CELF2: variants seen among roughly 807,000 people sequenced by gnomAD.
CELF2 encodes CUGBP Elav-like family member 2, also known as CUG triplet repeat RNA-binding protein 2.
In CELF2, 8 loss-of-function variants were observed where a neutral mutation model predicts 62.6. That is an observed-to-expected ratio of 0.13 (90% confidence interval 0.07 to 0.23). CELF2 has a LOEUF of 0.23. CELF2 is among the 10% of genes least tolerant of loss of function. The pLI is 1.00. For missense variants in CELF2, 333 were observed against 671.0 expected (o/e 0.50, Z 5.56); for synonymous variants, 258 against 250.0 (o/e 1.03, Z -0.30).
At chr10:10,807,887 G>T (rs2055398937) in intron 1 of CELF2, among the ~76,000 whole-genome samples, 1 of 152,094 alleles carries the variant, frequency 6.6e-6, no homozygotes, top group African/African-American at 2.4e-5. Flanking sequence ...CATTAGGATG[G>T]TATCAAGGTT....
chr10:10,750,887 C>A, the CELF2 span, among the ~76,000 whole-genome samples: 2 of 152,172 alleles, frequency 1.3e-5, no homozygotes, highest in Non-Finnish European at 2.9e-5. Context: ...ATTGAGGTCC[C>A]TGGAGTCACT....
At chr10:11,198,077 G>T (rs142555530) in intron 2 of CELF2, among the ~76,000 whole-genome samples, 1 of 152,156 alleles carries the variant, frequency 6.6e-6, no homozygotes, top group Admixed American at 6.5e-5. Context: ...GTGGTTCCAC[G>T]GCTTTTAACG....
At chr10:10,600,515 A>T in the CELF2 span, among the ~76,000 whole-genome samples, 13 of 152,350 alleles carry the variant, frequency 8.5e-5, no homozygotes, top group African/African-American at 2.4e-4. Flanking sequence ...ATTTGTAGCC[A>T]TGGAAACAGA....
the CELF2 span, among the ~76,000 whole-genome samples, chr10:10,644,891 A>G: frequency 6.6e-6 from 1 of 152,126 alleles, no homozygotes; most frequent in Non-Finnish European, 1.5e-5. Context: ...ATGGGGTTCA[A>G]CTTTTTCACA....
intron 1 of CELF2, among the ~76,000 whole-genome samples, chr10:11,109,525 A>T (rs1418995833): frequency 6.6e-6 from 1 of 152,192 alleles, no homozygotes; most frequent in Non-Finnish European, 1.5e-5. Flanking sequence ...AGAATCTGAA[A>T]GTTAAAGAGA....
the CELF2 span, among the ~76,000 whole-genome samples, chr10:10,491,041 G>A: frequency 1.3e-5 from 2 of 152,142 alleles, no homozygotes; most frequent in Admixed American, 6.5e-5. Context: ...CTATATAAAT[G>A]TCTGTAGGGA....
At position 11,011,655 on chromosome 10, in the gene CELF2, G is replaced by A. The variant is rs1010199954; in HGVS notation, c.53+6215G>A. Among the ~76,000 whole-genome samples the A allele has an allele frequency of 1.4e-5, 2 of 140,176 alleles. No individual in the cohort carries two copies. The highest frequency in any genetic ancestry group is 3.3e-5 in the African/African-American group (1 of 30,638). The allele number at this position is 140,176 out of a possible 152,430, so 92.0% of individuals were successfully genotyped here. A position where few individuals can be genotyped will look rare whatever the true frequency, so the allele number is the denominator to read the frequency against. On this transcript the variant is annotated intron_variant, in intron 1 of 12. Transcript: ENST00000416382. This position sits in a 1 kb window ranked among gnomAD's most constrained non-coding sequence, Gnocchi z 4.6. ...GGTCACATGACACTTTGTACTCAGC[G>A]ATAGTGGTAGGACAAGATAGAACAT...
chr10:10,716,324 T>C, the CELF2 span, among the ~76,000 whole-genome samples: 1 of 152,218 alleles, frequency 6.6e-6, no homozygotes, highest in African/African-American at 2.4e-5. Context: ...AGTGAGCAGA[T>C]GAGCCCAGGA....
At chr10:10,940,637 A>T (rs1758967322) in intron 2 of CELF2, among the ~76,000 whole-genome samples, 1 of 152,208 alleles carries the variant, frequency 6.6e-6, no homozygotes. Flanking sequence ...AAACATAGAA[A>T]CATCTAGGAA....
intron 1 of CELF2, among the ~76,000 whole-genome samples, chr10:11,113,255 T>C (rs111255437): frequency 1.3e-5 from 2 of 152,358 alleles, no homozygotes; most frequent in African/African-American, 4.8e-5. Flanking sequence ...AAAATCAAGA[T>C]TGTGTTTTAT....
chr10:11,282,114 C>T (rs192613161), intron 8 of CELF2, among the ~76,000 whole-genome samples: 2 of 152,338 alleles, frequency 1.3e-5, no homozygotes, highest in East Asian at 3.9e-4. Flanking sequence ...AAACCCTATG[C>T]TGGACCAGCC....
At chr10:11,007,812 T>C (rs1364548394) in intron 1 of CELF2, among the ~76,000 whole-genome samples, 1 of 152,174 alleles carries the variant, frequency 6.6e-6, no homozygotes, top group Non-Finnish European at 1.5e-5. Context: ...TGCTTGTCCG[T>C]GGCCCGCTTA....
intron 1 of CELF2, among the ~76,000 whole-genome samples, chr10:10,874,634 G>A (rs1446472863): frequency 2.0e-5 from 3 of 152,136 alleles, no homozygotes; most frequent in Non-Finnish European, 4.4e-5. Flanking sequence ...TGCAAAAAAT[G>A]TAAGCACATT....
intron 1 of CELF2, among the ~76,000 whole-genome samples, chr10:10,893,617 C>T (rs2062314738): frequency 6.6e-6 from 1 of 152,278 alleles, no homozygotes. Flanking sequence ...GTTTAATTGG[C>T]TCATGGTTCT....
chr10:11,194,057 A>T (rs1259319760), intron 2 of CELF2, among the ~76,000 whole-genome samples: 1 of 152,020 alleles, frequency 6.6e-6, no homozygotes, highest in Non-Finnish European at 1.5e-5. Context: ...TTTACTTTTT[A>T]AAAATTTTTT....
intron 1 of CELF2, among the ~76,000 whole-genome samples, chr10:11,040,519 TAGCG>T (rs1185264421): frequency 6.6e-6 from 1 of 152,182 alleles, no homozygotes; most frequent in African/African-American, 2.4e-5. Context: ...ATCTTCTATG[TAGCG>T]ACGCACTTCC....
At chr10:10,631,517 G>A in the CELF2 span, among the ~76,000 whole-genome samples, 1 of 152,164 alleles carries the variant, frequency 6.6e-6, no homozygotes, top group African/African-American at 2.4e-5. Flanking sequence ...CACCCATTCT[G>A]TTGAGAAATG....
intron 1 of CELF2, among the ~76,000 whole-genome samples, chr10:10,900,219 A>G (rs1194000350): frequency 1.3e-5 from 2 of 152,240 alleles, no homozygotes; most frequent in African/African-American, 4.8e-5. Flanking sequence ...ATGCTTTCCA[A>G]TTCATTCTAT....
chr10:10,919,945 C>CT (rs1345623819), intron 1 of CELF2: 2 of 1,229,824 alleles, frequency 1.6e-6, no homozygotes, highest in African/African-American at 3.1e-5. Flanking sequence ...TACTTATCTT[C>CT]TTTTTCTCCT....
Sources: allele counts gnomAD v4.1 joint callset (sites outside exome capture counted in the v4.1 genomes callset), GRCh38; gene constraint gnomAD v4.1.1; non-coding constraint Gnocchi (gnomAD v3.1); transcripts MANE v1.5; gene names NCBI Gene and HGNC (gene_info 2026-07-23, HGNC 2026-07-21).